The following NFIB variants were observed in gnomAD, a reference collection of about 807,000 sequenced individuals.
NFIB encodes nuclear factor I B.
A neutral mutation model predicts 61.5 loss-of-function variants in NFIB; 11 were observed. That is an observed-to-expected ratio of 0.18 (90% CI 0.11 to 0.30). The LOEUF is 0.30. Among genes scored for constraint, NFIB ranks in the 10% least tolerant of loss-of-function variants. The probability of loss-of-function intolerance (pLI) is 1.00; values close to 1 mark genes in which losing one functional copy is unlikely to be tolerated. For synonymous variants in NFIB, 260 were observed against 216.5 expected, an observed-to-expected ratio of 1.20 and a Z score of -1.76; for missense variants, 471 against 608.9, an observed-to-expected ratio of 0.77 and a Z score of 2.38.
chr9:14,142,653 A>C (rs1265861081), intron 6 of NFIB, among the ~76,000 whole-genome samples: 4 of 152,238 alleles, frequency 2.6e-5, no homozygotes, highest in Non-Finnish European at 5.9e-5. Flanking sequence ...ATGGAAAAAA[A>C]AATAAGAAAG....
chr9:14,273,409 T>C (rs2057768178), intron 2 of NFIB, among the ~76,000 whole-genome samples: 1 of 152,118 alleles, frequency 6.6e-6, no homozygotes, highest in African/African-American at 2.4e-5. Context: ...TAACAACTAG[T>C]TCCCATAATT....
At chr9:14,121,035 G>T (rs545514635) in intron 7 of NFIB, among the ~76,000 whole-genome samples, 1 of 152,312 alleles carries the variant, frequency 6.6e-6, no homozygotes, top group East Asian at 1.9e-4. Context: ...GGCTGGGGCA[G>T]GTGGATCACC....
At chr9:14,127,017 A>G (rs896358598) in intron 6 of NFIB, among the ~76,000 whole-genome samples, 7 of 152,216 alleles carry the variant, frequency 4.6e-5, no homozygotes, top group African/African-American at 1.4e-4. Flanking sequence ...ATAGGAAAAG[A>G]ATTCAGAGAT....
At chr9:14,089,151 T>A (rs2033406472) in intron 10 of NFIB, among the ~76,000 whole-genome samples, 1 of 152,068 alleles carries the variant, frequency 6.6e-6, no homozygotes, top group Non-Finnish European at 1.5e-5. Context: ...TTCCTTCCAA[T>A]TCATGGTTCC....
At chr9:14,158,127 CA>C (rs1264001800) in intron 3 of NFIB, among the ~76,000 whole-genome samples, 5 of 145,728 alleles carry the variant, frequency 3.4e-5, no homozygotes, top group African/African-American at 5.1e-5. Flanking sequence ...AAAAAAAAAA[CA>C]AAACAAAACA....
chr9:14,434,142 G>A, the NFIB span, among the ~76,000 whole-genome samples: 4 of 152,164 alleles, frequency 2.6e-5, no homozygotes, highest in Admixed American at 1.3e-4. Context: ...CTGTGTTCCC[G>A]TAATTTCTAA....
intron 1 of NFIB, among the ~76,000 whole-genome samples, chr9:14,363,393 A>C (rs766154726): frequency 3.9e-5 from 6 of 152,124 alleles, no homozygotes; most frequent in Non-Finnish European, 8.8e-5. Flanking sequence ...TAGAATCTAG[A>C]GACCAGACAA....
the NFIB span, among the ~76,000 whole-genome samples, chr9:14,527,299 T>C: frequency 4.1e-4 from 62 of 152,152 alleles, no homozygotes; most frequent in Admixed American, 9.9e-4. Context: ...ATCATCATCG[T>C]TGTTGTTGTT....
the NFIB span, among the ~76,000 whole-genome samples, chr9:14,457,620 C>A: frequency 6.7e-6 from 1 of 149,938 alleles, no homozygotes. Context: ...AGACCCCTAG[C>A]AAGATTAATA....
intron 2 of NFIB, among the ~76,000 whole-genome samples, chr9:14,295,330 A>C (rs1424698463): frequency 6.6e-6 from 1 of 152,192 alleles, no homozygotes; most frequent in Admixed American, 6.5e-5. Flanking sequence ...TGCTTTTTTA[A>C]GGACAATCCA....
chr9:14,279,177 C>T (rs55910091), intron 2 of NFIB, among the ~76,000 whole-genome samples: 2,069 of 152,144 alleles, frequency 0.014, 56 homozygotes, highest in African/African-American at 0.046. Flanking sequence ...ATTATACAGA[C>T]GGCAAAACCG....
intron 9 of NFIB, among the ~76,000 whole-genome samples, chr9:14,113,608 C>A (rs2119042720): frequency 6.6e-6 from 1 of 152,262 alleles, no homozygotes; most frequent in Non-Finnish European, 1.5e-5. Flanking sequence ...ATCTTACTAT[C>A]ATGAAGGAGA....
upstream of NFIB, chr9:14,314,187 G>A (rs2060430679): frequency 1.2e-6 from 1 of 817,802 alleles, no homozygotes. Flanking sequence ...GGTGGGGGCG[G>A]GGTGGGATGG....
intron 2 of NFIB, among the ~76,000 whole-genome samples, chr9:14,229,313 A>G (rs2052827615): frequency 6.6e-6 from 1 of 152,202 alleles, no homozygotes. Context: ...CTCAACCATC[A>G]TACCAATAGT....
At chr9:14,282,540 A>T (rs2058440107) in intron 2 of NFIB, among the ~76,000 whole-genome samples, 1 of 152,246 alleles carries the variant, frequency 6.6e-6, no homozygotes. Context: ...ACTCACAGAA[A>T]TGGCAGTTGA....
chr9:14,216,609 A>G (rs2050956616), intron 2 of NFIB, among the ~76,000 whole-genome samples: 5 of 142,818 alleles, frequency 3.5e-5, no homozygotes, highest in South Asian at 2.3e-4. Context: ...ACAAGGGGGT[A>G]AGCCCCTACA....
upstream of NFIB, among the ~76,000 whole-genome samples, chr9:14,317,515 A>G (rs2060569467): frequency 6.6e-6 from 1 of 152,250 alleles, no homozygotes; most frequent in Non-Finnish European, 1.5e-5. Flanking sequence ...CAGAAAAAGG[A>G]AAATGAGATA....
intron 1 of NFIB, among the ~76,000 whole-genome samples, chr9:14,356,671 G>T (rs1205156956): frequency 6.6e-6 from 1 of 152,138 alleles, no homozygotes. Context: ...TTATTAAGGG[G>T]TCCTCAGCTG....
At chr9:14,517,294 T>C in the NFIB span, among the ~76,000 whole-genome samples, 3 of 152,208 alleles carry the variant, frequency 2.0e-5, no homozygotes, top group Admixed American at 6.5e-5. Flanking sequence ...CTCAATGTGT[T>C]TGTCTTCTCT....
Sources: allele counts gnomAD v4.1 joint callset (sites outside exome capture counted in the v4.1 genomes callset), GRCh38; gene constraint gnomAD v4.1.1; transcripts MANE v1.5; gene names NCBI Gene and HGNC (gene_info 2026-07-23, HGNC 2026-07-21).